Variants in PIH1D2 observed in about 807,000 individuals in gnomAD.
PIH1D2 encodes the protein PIH1 domain-containing protein 2.
Under a neutral mutation model 31.2 loss-of-function variants are expected in PIH1D2, and 25 were observed. The observed-to-expected ratio is 0.80, with a 90% confidence interval of 0.58 to 1.12. The LOEUF is 1.12. Among genes scored for constraint, PIH1D2 ranks in the 50% most tolerant of loss-of-function variants. The pLI is 0.00. For missense variants in PIH1D2, 310 were observed against 356.6 expected, an observed-to-expected ratio of 0.87 and a Z score of 1.05; for synonymous variants, 116 against 119.9, an observed-to-expected ratio of 0.97 and a Z score of 0.21.
downstream of PIH1D2, among the ~76,000 whole-genome samples, chr11:112,066,367 G>A (rs1408752450): frequency 1.3e-5 from 2 of 152,116 alleles, no homozygotes; most frequent in Non-Finnish European, 2.9e-5. Flanking sequence ...CAGGCCGGGC[G>A]TGGTGGCTTA....
At chr11:112,061,761 T>A (rs1245034122), downstream of PIH1D2, among the ~76,000 whole-genome samples, 1 of 152,108 alleles carries the variant, frequency 6.6e-6, no homozygotes, top group African/African-American at 2.4e-5. Context: ...ATTTTTGTAT[T>A]TTTAGTAGAC....
chr11:112,060,595 C>A (rs1044519625), downstream of PIH1D2, among the ~76,000 whole-genome samples: 1 of 152,082 alleles, frequency 6.6e-6, no homozygotes, highest in Non-Finnish European at 1.5e-5. Context: ...GCTGGTATTA[C>A]AGGCATGCAC....
chr11:112,056,575 A>G, the PIH1D2 span, among the ~76,000 whole-genome samples: 1 of 152,132 alleles, frequency 6.6e-6, no homozygotes, highest in Non-Finnish European at 1.5e-5. Context: ...CCTCTTTATC[A>G]TTCACCAGTT....
intron 5 of PIH1D2, among the ~76,000 whole-genome samples, chr11:112,069,233 G>A (rs1486545080): frequency 6.6e-6 from 1 of 151,686 alleles, no homozygotes; most frequent in Non-Finnish European, 1.5e-5. Context: ...GAACCCCTGA[G>A]CTCAGGCAAT....
chr11:112,070,043 C>T (rs1240890426), intron 5 of PIH1D2: 4 of 286,740 alleles, frequency 1.4e-5, no homozygotes, highest in Non-Finnish European at 6.6e-6. Context: ...GACTGGTAGA[C>T]TGTAGGACTG....
chr11:112,055,206 G>A, the PIH1D2 span, among the ~76,000 whole-genome samples: 1 of 147,400 alleles, frequency 6.8e-6, no homozygotes, highest in East Asian at 2.0e-4. Flanking sequence ...TTAAGGCATT[G>A]ACAGTCTTCC....
downstream of PIH1D2, chr11:112,062,436 A>C (rs782574521): frequency 5.0e-6 from 8 of 1,612,656 alleles, no homozygotes; most frequent in East Asian, 1.8e-4. Flanking sequence ...TGTCTGTTAC[A>C]CTCAGTTGTG....
At chr11:112,073,385 C>T (rs1178608924) in intron 1 of PIH1D2, among the ~76,000 whole-genome samples, 180 bp from the exon 2 acceptor site, 1 of 152,110 alleles carries the variant, frequency 6.6e-6, no homozygotes, top group African/African-American at 2.4e-5. Flanking sequence ...TCTAGTACCT[C>T]TTCCTAAATT....
At chr11:112,062,758 G>A, downstream of PIH1D2, 1 of 514,590 alleles carries the variant, frequency 1.9e-6, no homozygotes, top group Non-Finnish European at 3.5e-6. Flanking sequence ...TTTTAGCTCT[G>A]TACTCCTAAT....
Position 112,070,335 on chromosome 11 carries a change from T to C in PIH1D2, c.813+101A>G. 2.1e-6 allele frequency: 3 copies of C among 1,400,426 alleles called. No homozygotes were observed. The Admixed American group carries it at 6.0e-5, about 28-fold the overall frequency. The allele number at this position is 1,400,426 out of a possible 1,614,324, so 86.7% of individuals were successfully genotyped here. A position where few individuals can be genotyped will look rare whatever the true frequency, so the allele number is the denominator to read the frequency against. On this transcript the variant is annotated intron_variant, in intron 5 of 5. Coordinates refer to ENST00000280350, the MANE Select transcript of PIH1D2 (RefSeq NM_138789.4). ...TCCTTCACCGGGTAACCTGAGCAAA[T>C]CATTGTAAGCCCCTGAAATTATGTA... is the stretch of plus-strand genomic sequence containing the variant.
chr11:112,058,732 A>G (rs1864308776), downstream of PIH1D2, among the ~76,000 whole-genome samples: 1 of 152,014 alleles, frequency 6.6e-6, no homozygotes, highest in East Asian at 1.9e-4. Context: ...TCTGGTGACC[A>G]ATAAAAATCA....
At chr11:112,055,400 C>T in the PIH1D2 span, among the ~76,000 whole-genome samples, 14 of 151,938 alleles carry the variant, frequency 9.2e-5, no homozygotes, top group Non-Finnish European at 2.1e-4. Flanking sequence ...TGCACCACCA[C>T]GCCCGGCTAA....
chr11:112,053,915 G>A, the PIH1D2 span, among the ~76,000 whole-genome samples: 1 of 151,836 alleles, frequency 6.6e-6, no homozygotes, highest in Non-Finnish European at 1.5e-5. Context: ...TCCAGTCTTG[G>A]GACTAGAGAG....
downstream of PIH1D2, chr11:112,060,980 C>CA: frequency 6.8e-7 from 1 of 1,478,582 alleles, no homozygotes. Flanking sequence ...GAACATTTGT[C>CA]AAGTTTTCTG....
At chr11:112,072,897 A>AC in intron 2 of PIH1D2, 101 bp downstream of exon 2, 1 of 1,203,260 alleles carries the variant, frequency 8.3e-7, no homozygotes. Context: ...AACAAAAAAA[A>AC]AACAAAAAAA....
downstream of PIH1D2, chr11:112,067,687 T>TATATAA (rs1864977626): frequency 5.1e-5 from 1 of 19,610 alleles, no homozygotes; most frequent in Non-Finnish European, 1.0e-4. Context: ...AAAAAAAAAA[T>TATATAA]ATATATATAT....
chr11:112,067,803 C>T lies in PIH1D2; in HGVS notation c.*68G>A. Reference sequence around the variant, plus strand: ...TTAAGATAAACTACTACCTCTTTAGCCAAAATGAAGGTCCTTTAATTCACA... The same window carrying T: ...TTAAGATAAACTACTACCTCTTTAGTCAAAATGAAGGTCCTTTAATTCACA... On this transcript the variant is annotated 3_prime_UTR_variant, in exon 6 of 6. Transcript: ENST00000280350. 1.3e-6 allele frequency: 2 copies of T among 1,561,808 alleles called. No homozygotes were observed. Among genetic ancestry groups the T allele is most frequent in the Non-Finnish European group, 1.7e-6 (2 of 1,158,246 alleles).
downstream of PIH1D2, chr11:112,061,370 TA>T (rs1864612249): frequency 1.2e-5 from 7 of 604,382 alleles, no homozygotes; most frequent in South Asian, 1.4e-4. Flanking sequence ...ATTCTTGACT[TA>T]TAATAATACA....
chr11:112,059,423 C>T (rs1441214231), downstream of PIH1D2, among the ~76,000 whole-genome samples: 3 of 150,062 alleles, frequency 2.0e-5, no homozygotes, highest in Admixed American at 6.7e-5. Flanking sequence ...GATGGAGTCT[C>T]GCTCTGCTGC....
Sources: allele counts gnomAD v4.1 joint callset (sites outside exome capture counted in the v4.1 genomes callset), GRCh38; gene constraint gnomAD v4.1.1; transcripts MANE v1.5; gene names NCBI Gene and HGNC (gene_info 2026-07-23, HGNC 2026-07-21).